SACM1L: variants seen among roughly 807,000 people sequenced by gnomAD.
The protein encoded by SACM1L is SAC1 like phosphatidylinositide phosphatase.
A neutral mutation model predicts 89.5 loss-of-function variants in SACM1L; 32 were observed. That is an observed-to-expected ratio of 0.36 (90% CI 0.27 to 0.48). SACM1L has a LOEUF of 0.48. Among genes scored for constraint, SACM1L ranks in the 20% least tolerant of loss-of-function variants. The probability of loss-of-function intolerance (pLI) is 0.99; values close to 1 mark genes in which losing one functional copy is unlikely to be tolerated. For synonymous variants in SACM1L, 213 were observed against 232.8 expected, an observed-to-expected ratio of 0.92 and a Z score of 0.77; for missense variants, 543 against 708.5, an observed-to-expected ratio of 0.77 and a Z score of 2.65.
chr3:45,708,037 T>C (rs1449544436), intron 4 of SACM1L, among the ~76,000 whole-genome samples: 2 of 150,660 alleles, frequency 1.3e-5, no homozygotes, highest in African/African-American at 5.0e-5. Flanking sequence ...AACGTAACTA[T>C]ATAAGTTAAT....
intron 11 of SACM1L, 89 bp downstream of exon 11, chr3:45,723,632 CAGTTCAGTGGCATTAAGT>C: frequency 1.9e-6 from 1 of 514,482 alleles, no homozygotes. Flanking sequence ...TTTAAGTGTA[CAGTTCAGTGGCATTAAGT>C]AGTTCATAAT....
chr3:45,741,650 T>TCGTGACATAG (rs1356117978), intron 19 of SACM1L, among the ~76,000 whole-genome samples: 1 of 152,126 alleles, frequency 6.6e-6, no homozygotes, highest in Non-Finnish European at 1.5e-5. Context: ...CTGTAGACAG[T>TCGTGACATAG]CGTGACATAG....
At position 45,738,667 on chromosome 3, in the gene SACM1L, G is replaced by A. The variant is rs1333376726; in HGVS notation, c.1472G>A (p.Arg491Lys). 3 of 1,603,784 alleles carry A rather than the reference G, an allele frequency of 1.9e-6. No homozygotes were observed. The highest frequency in any genetic ancestry group is 2.6e-6 in the Non-Finnish European group (3 of 1,170,738). ...YYKNNFSDGF[R>K]QDSIDLFLGN... ...AAGAACAACTTTTCCGATGGATTTA[G>A]ACAAGTAAGTTTGTATTTGATGCTT... Residue 491 changes from arginine to lysine, a missense_variant, in exon 17 of 20, where the codon AGA (arginine) becomes AAA (lysine). Coordinates refer to ENST00000389061, the MANE Select transcript of SACM1L (RefSeq NM_014016.5).
At chr3:45,703,572 G>T (rs765766161) in intron 2 of SACM1L, 37 bp downstream of exon 2, 8 of 1,322,740 alleles carry the variant, frequency 6.0e-6, no homozygotes, top group South Asian at 4.8e-5. Flanking sequence ...TAGGGAGAAA[G>T]ATTTTATACA....
intron 10 of SACM1L, among the ~76,000 whole-genome samples, 177 bp from the exon 11 acceptor site, chr3:45,723,298 T>C (rs1698832368): frequency 6.6e-6 from 1 of 152,134 alleles, no homozygotes; most frequent in South Asian, 2.1e-4. Context: ...AAATAGCTTA[T>C]GATTACTAGA....
At chr3:45,716,728 TG>T (rs766349268) in intron 7 of SACM1L, among the ~76,000 whole-genome samples, 4 of 151,976 alleles carry the variant, frequency 2.6e-5, no homozygotes, top group African/African-American at 7.3e-5. Context: ...GGAGAAATGT[TG>T]CATGTTGAGG....
At chr3:45,743,510 T>C in intron 19 of SACM1L, 23 bp from the exon 20 acceptor site, 1 of 1,592,644 alleles carries the variant, frequency 6.3e-7, no homozygotes, top group Non-Finnish European at 8.5e-7. Flanking sequence ...CTTATTTAGC[T>C]TTTTGTTTCT....
At position 45,745,076 on chromosome 3, in the gene SACM1L, G is replaced by A. The variant is rs1699397673; in HGVS notation, c.*1407G>A. ...GAAAACCCTCTGTAGTTTAAAATCA[G>A]TCATTAAACTCACAATAGGGTAAGT... On this transcript the variant is annotated 3_prime_UTR_variant, in exon 20 of 20. Coordinates refer to ENST00000389061, the MANE Select transcript of SACM1L (RefSeq NM_014016.5). The A allele has an allele frequency of 6.6e-6, 1 of 152,034 alleles. No homozygotes were observed. The highest frequency in any genetic ancestry group is 1.5e-5 in the Non-Finnish European group (1 of 68,024). The allele number at this position is 152,034 out of a possible 1,614,324, so 9.4% of individuals were successfully genotyped here.
At chr3:45,697,269 CTTTTTTTTTTTTT>C (rs869095037) in intron 1 of SACM1L, among the ~76,000 whole-genome samples, 2 of 92,120 alleles carry the variant, frequency 2.2e-5, no homozygotes, top group African/African-American at 4.3e-5. Flanking sequence ...TTTTCTTTTC[CTTTTTTTTTTTTT>C]TTTTTTTTTT....
chr3:45,709,481 T>C lies in SACM1L; in HGVS notation c.334-17T>C. ...CCTTTTCAATTATGAGCTATACTGA[T>C]TTTTCTTTGTTTATAGTTACAAGAT... On this transcript the variant is annotated splice_polypyrimidine_tract_variant and intron_variant, in intron 4 of 19. Coordinates refer to ENST00000389061, the MANE Select transcript of SACM1L (RefSeq NM_014016.5). 1.3e-6 allele frequency: 2 copies of C among 1,590,462 alleles called. No individual in the cohort carries two copies. Among genetic ancestry groups the C allele is most frequent in the Non-Finnish European group, 1.7e-6 (2 of 1,166,994 alleles).
rs1559541716 is a variant in SACM1L at position 45,711,751 on chromosome 3, G to GT, written c.484-1381dup. Among the ~76,000 whole-genome samples the GT allele has an allele frequency of 2.0e-5, 3 of 152,114 alleles. No individual in the cohort carries two copies. The East Asian group carries it at 5.8e-4, about 29-fold the overall frequency. ...TATGTACGGCCATAGGATTTTCTTT[G>GT]TTTTTGGTTCCTTGATTCTGAATTG... On this transcript the variant is annotated intron_variant, in intron 5 of 19. Coordinates refer to ENST00000389061, the MANE Select transcript of SACM1L (RefSeq NM_014016.5).
intron 11 of SACM1L, among the ~76,000 whole-genome samples, chr3:45,724,432 T>C (rs975732477): frequency 6.6e-6 from 1 of 152,138 alleles, no homozygotes; most frequent in East Asian, 1.9e-4. Flanking sequence ...ATGTGCTCAT[T>C]GGCCATTTGT....
Position 45,714,068 on chromosome 3 carries a change from T to C in SACM1L, c.566T>C (p.Val189Ala). Residue 189 changes from valine to alanine, a missense_variant, in exon 7 of 20, where the codon GTG (valine) becomes GCG (alanine). Physicochemically the swap from Val to Ala is moderately conservative, Grantham distance 64 (BLOSUM62 0). Around this residue, in one of 2 missense-constraint regions of SACM1L, gnomAD observed 370 missense variants for 527.6 expected, o/e 0.70. Coordinates refer to ENST00000389061, the MANE Select transcript of SACM1L (RefSeq NM_014016.5). ...QPEVHRFALP[V>A]LHGFITMHSC... Reference sequence around the variant, plus strand: ...CAGGTTCATCGGTTTGCCCTTCCAGTGTTACATGGCTGTATCCTTACATGA... The same window carrying C: ...CAGGTTCATCGGTTTGCCCTTCCAGCGTTACATGGCTGTATCCTTACATGA... 6.4e-7 allele frequency: 1 copy of C among 1,553,130 alleles called. No individual in the cohort carries two copies. Among genetic ancestry groups the C allele is most frequent in the African/African-American group, 1.4e-5 (1 of 73,698 alleles).
intron 8 of SACM1L, among the ~76,000 whole-genome samples, chr3:45,720,383 T>A (rs1019535818): frequency 2.0e-5 from 3 of 152,154 alleles, no homozygotes; most frequent in Non-Finnish European, 4.4e-5. Flanking sequence ...TCAAAAAGTA[T>A]TTTTTTAATG....
Position 45,728,113 on chromosome 3 carries a change from T to C in SACM1L, c.922-3188T>C, listed in dbSNP as rs1575406377. 2.0e-5 allele frequency among the ~76,000 whole-genome samples: 3 copies of C among 152,376 alleles called. 1 individual carries two copies. The South Asian group carries it at 6.2e-4, about 32-fold the overall frequency. Reference sequence around the variant, plus strand: ...GATACTAGTGTAGTTATTCCAGCTCTTTTTTGATTACTATTTGCACAAAAT... The same window carrying C: ...GATACTAGTGTAGTTATTCCAGCTCCTTTTTGATTACTATTTGCACAAAAT... On this transcript the variant is annotated intron_variant, in intron 11 of 19. Transcript: ENST00000389061.
chr3:45,700,233 A>G (rs146883876), intron 1 of SACM1L, among the ~76,000 whole-genome samples: 2 of 152,298 alleles, frequency 1.3e-5, no homozygotes, highest in Non-Finnish European at 2.9e-5. Flanking sequence ...TTTTATGTTA[A>G]AAATAGCATT....
intron 4 of SACM1L, among the ~76,000 whole-genome samples, chr3:45,707,536 C>T (rs1698427350): frequency 6.6e-6 from 1 of 152,192 alleles, no homozygotes; most frequent in Non-Finnish European, 1.5e-5. Flanking sequence ...TGAAATTGAA[C>T]ATAAATGGAG....
intron 11 of SACM1L, among the ~76,000 whole-genome samples, chr3:45,725,800 C>CT (rs1698905268): frequency 6.6e-6 from 1 of 151,620 alleles, no homozygotes. Context: ...AGCTTTTGGT[C>CT]TTTCATCATT....
intron 4 of SACM1L, among the ~76,000 whole-genome samples, chr3:45,708,038 A>G (rs985771160): frequency 2.0e-5 from 3 of 150,602 alleles, no homozygotes; most frequent in Non-Finnish European, 2.9e-5. Context: ...ACGTAACTAT[A>G]TAAGTTAATA....
Sources: gnomAD v4.1 joint callset for allele counts (sites outside exome capture counted in the v4.1 genomes callset) on GRCh38, gnomAD v4.1.1 for gene constraint, gnomAD v4.1.1 regional missense constraint, MANE v1.5 for transcripts, NCBI Gene and HGNC (gene_info 2026-07-23, HGNC 2026-07-21) for gene names.